F8: variants seen among roughly 807,000 people sequenced by gnomAD.
F8 encodes antihemophilic factor.
In F8, 12 loss-of-function variants were observed where a neutral mutation model predicts 140.6. That is an observed-to-expected ratio of 0.09 (90% CI 0.05 to 0.14). The LOEUF (loss-of-function observed/expected upper bound fraction) is 0.14. F8 is among the 10% of genes least tolerant of loss of function. The probability of loss-of-function intolerance (pLI) is 1.00; values close to 1 mark genes in which losing one functional copy is unlikely to be tolerated. For synonymous variants in F8, 585 were observed against 614.6 expected, an observed-to-expected ratio of 0.95 and a Z score of 0.71; for missense variants, 1,354 against 1,720.7, an observed-to-expected ratio of 0.79 and a Z score of 3.77.
chrX:154,984,486 T>C (rs1464589102), intron 6 of F8, among the ~76,000 whole-genome samples: 1 of 111,910 alleles, frequency 8.9e-6, no homozygotes, highest in African/African-American at 3.3e-5. Context: ...CTGTGGGCTG[T>C]ATGTACATGG....
intron 10 of F8, among the ~76,000 whole-genome samples, chrX:154,959,529 T>G (rs2073385141): frequency 8.9e-6 from 1 of 112,672 alleles, no homozygotes; most frequent in Non-Finnish European, 1.9e-5. Context: ...CACCTTTGTG[T>G]TGGGAACATT....
chrX:154,949,702 A>G (rs10217960), intron 12 of F8, among the ~76,000 whole-genome samples: 1,103 of 108,482 alleles, frequency 0.01, 15 homozygotes, highest in African/African-American at 0.035. Context: ...TTTTACTGAC[A>G]CCTCTCCTTG....
chrX:154,954,064 A>G, intron 11 of F8, 22 bp from the exon 12 acceptor site: 2 of 1,204,508 alleles, frequency 1.7e-6, no homozygotes, highest in Non-Finnish European at 2.3e-6. Flanking sequence ...ATATATTGAA[A>G]GGGGTAAAGA....
intron 4 of F8, among the ~76,000 whole-genome samples, chrX:154,992,680 T>C (rs2073594502): frequency 8.9e-6 from 1 of 111,943 alleles, no homozygotes; most frequent in Non-Finnish European, 1.9e-5. Flanking sequence ...AAGAGGAAAA[T>C]AGCAATGCTT....
At chrX:154,917,007 A>G (rs893557595) in intron 14 of F8, among the ~76,000 whole-genome samples, 19 of 110,864 alleles carry the variant, frequency 1.7e-4, no homozygotes, top group Admixed American at 4.8e-4. Context: ...GTTTCAATAA[A>G]TTTCCTTCTT....
chrX:154,965,199 G>A (rs1334918862), intron 9 of F8, among the ~76,000 whole-genome samples: 3 of 111,736 alleles, frequency 2.7e-5, no homozygotes, highest in East Asian at 5.6e-4. Context: ...TGGCAATGGT[G>A]TGGGGAAAAG....
intron 14 of F8, among the ~76,000 whole-genome samples, chrX:154,914,916 C>T (rs2073087690): frequency 2.7e-5 from 3 of 111,526 alleles, no homozygotes; most frequent in South Asian, 3.7e-4. Context: ...CCCCCTACCT[C>T]GGTACCAATT....
At chrX:154,936,188 A>G (rs1454788274) in intron 13 of F8, among the ~76,000 whole-genome samples, 3 of 111,925 alleles carry the variant, frequency 2.7e-5, no homozygotes, top group African/African-American at 9.7e-5. Flanking sequence ...CCAATAAAAC[A>G]AAATGTAATA....
chrX:154,864,345 C>T (rs1407200320), intron 22 of F8, among the ~76,000 whole-genome samples: 1 of 112,435 alleles, frequency 8.9e-6, no homozygotes, highest in African/African-American at 3.2e-5. Context: ...TGTCTGAGTA[C>T]CCAACTTCAG....
intron 3 of F8, among the ~76,000 whole-genome samples, chrX:154,995,128 G>A (rs1557284987): frequency 2.7e-5 from 3 of 111,836 alleles, no homozygotes; most frequent in African/African-American, 6.5e-5. Context: ...GTGAGGTGAT[G>A]GGCACATGTT....
At chrX:154,843,653 T>C (rs1437989149) in intron 25 of F8, among the ~76,000 whole-genome samples, 1 of 112,313 alleles carries the variant, frequency 8.9e-6, no homozygotes, top group African/African-American at 3.2e-5. Flanking sequence ...TTTTTTCTTG[T>C]AAGTTTGTTT....
intron 11 of F8, 47 bp downstream of exon 11, chrX:154,956,910 A>C: frequency 1.0e-6 from 1 of 974,516 alleles, no homozygotes; most frequent in Non-Finnish European, 1.5e-6. Context: ...TTATAAGGGG[A>C]CATACACTGA....
At chrX:154,992,410 T>G (rs1156153) in intron 4 of F8, among the ~76,000 whole-genome samples, 1,267 of 112,779 alleles carry the variant, frequency 0.011, 18 homozygotes, top group African/African-American at 0.038. Flanking sequence ...AAAAACAGGT[T>G]TGATTAGAAT....
rs1359421819 is a variant in F8, at chrX:154,836,603, A to C, written c.*994T>G. ...CAGCAGGAAATTAGTAGAGGGAGAG[A>C]GTAAACTGAGTGCATTATTAGAATT... On this transcript the variant is annotated 3_prime_UTR_variant, in exon 26 of 26. Coordinates refer to ENST00000360256, the MANE Select transcript of F8 (RefSeq NM_000132.4). The C allele has an allele frequency of 8.9e-6, 1 of 111,890 alleles. No individual in the cohort carries two copies. Among genetic ancestry groups the C allele is most frequent in the Non-Finnish European group, 1.9e-5 (1 of 53,206 alleles). 9.2% of individuals were successfully genotyped at this position (111,890 alleles called of 1,213,427 possible).
chrX:154,997,553 C>A (rs782056753), intron 2 of F8, among the ~76,000 whole-genome samples: 39 of 111,869 alleles, frequency 3.5e-4, no homozygotes, highest in Non-Finnish European at 7.0e-4. Flanking sequence ...GAGTAGAGAT[C>A]TGACTAATGA....
rs1489747118 is a variant in F8 at position 155,007,114 on chromosome X, C to T, written c.144-7514G>A. ...TTCTGTACTGGCTGAGGGCCAGGGC[C>T]CAGCGTACTGATAAGGAAGCTCTTC... is the stretch of plus-strand genomic sequence containing the variant. On this transcript the variant is annotated intron_variant, in intron 1 of 25. Transcript: ENST00000360256. Among the ~76,000 whole-genome samples the T allele has an allele frequency of 5.5e-5, 6 of 109,251 alleles. No homozygotes were observed. In the East Asian group the frequency reaches 1.7e-3, roughly 32 times the overall value. 94.9% of individuals were successfully genotyped at this position (109,251 alleles called of 115,157 possible).
At chrX:154,927,222 T>G (rs2073165858) in intron 14 of F8, among the ~76,000 whole-genome samples, 1 of 111,596 alleles carries the variant, frequency 9.0e-6, no homozygotes, top group Non-Finnish European at 1.9e-5. Flanking sequence ...GAGGAGAGAA[T>G]GGCAGGAAAA....
At chrX:154,937,137 G>A (rs191794414) in intron 13 of F8, among the ~76,000 whole-genome samples, 2 of 110,858 alleles carry the variant, frequency 1.8e-5, no homozygotes, top group Non-Finnish European at 3.8e-5. Flanking sequence ...GAAAATCAAT[G>A]AACCAAGTTT....
At chrX:154,913,227 A>G (rs1457381597) in intron 14 of F8, among the ~76,000 whole-genome samples, 2 of 112,545 alleles carry the variant, frequency 1.8e-5, no homozygotes, top group African/African-American at 3.2e-5. Flanking sequence ...GTAAAAAATT[A>G]AATTGTAAGA....
Sources: gnomAD v4.1 joint callset for allele counts (sites outside exome capture counted in the v4.1 genomes callset) on GRCh38, gnomAD v4.1.1 for gene constraint, MANE v1.5 for transcripts, NCBI Gene and HGNC (gene_info 2026-07-23, HGNC 2026-07-21) for gene names.